Variants in WNT5A observed in about 807,000 individuals in gnomAD.
WNT5A encodes the protein Wnt family member 5A.
In WNT5A, 9 loss-of-function variants were observed where a neutral mutation model predicts 42.1. The ratio of observed to expected loss-of-function variants is 0.21; its 90% CI spans 0.13 to 0.37. The LOEUF is 0.37. Ranked by LOEUF, WNT5A falls within the 10% of genes least tolerant of loss-of-function variation. The pLI is 1.00. For missense variants in WNT5A, 426 were observed against 534.0 expected (o/e 0.80, Z 1.99); for synonymous variants, 210 against 210.0 (o/e 1.00, Z 0.00).
At chr3:55,496,992 C>A in the WNT5A span, among the ~76,000 whole-genome samples, 1 of 152,240 alleles carries the variant, frequency 6.6e-6, no homozygotes, top group Admixed American at 6.5e-5. Context: ...GGGTCACCTA[C>A]TGTGGATCAT....
upstream of WNT5A, chr3:55,490,434 T>C (rs1244874495): frequency 6.6e-6 from 1 of 152,236 alleles, no homozygotes; most frequent in Non-Finnish European, 1.5e-5. Flanking sequence ...TTCCAGTCCC[T>C]GCCCTGCCAC....
intron 3 of WNT5A, 34 bp from the exon 4 acceptor site, chr3:55,474,663 G>A (rs1016488375): frequency 2.3e-6 from 3 of 1,330,842 alleles, no homozygotes; most frequent in Non-Finnish European, 2.9e-6. Flanking sequence ...CTGGCCGCCT[G>A]CCTCACGCGC....
chr3:55,486,086 G>A (rs1338245653), intron 1 of WNT5A, among the ~76,000 whole-genome samples: 1 of 152,240 alleles, frequency 6.6e-6, no homozygotes, highest in Non-Finnish European at 1.5e-5. Context: ...GACCCTCGGA[G>A]TGTGTGATTC....
intron 3 of WNT5A, among the ~76,000 whole-genome samples, chr3:55,478,590 C>T (rs2051398714): frequency 6.6e-6 from 1 of 152,020 alleles, no homozygotes; most frequent in East Asian, 1.9e-4. Context: ...GCCTTTAGCC[C>T]ATTTGAAATG....
chr3:55,499,341 A>AGGACAAGTCCATGAATGCAAAGC, the WNT5A span, among the ~76,000 whole-genome samples: 2 of 152,180 alleles, frequency 1.3e-5, no homozygotes, highest in Non-Finnish European at 2.9e-5. Context: ...GAGTACTCTG[A>AGGACAAGTCCATGAATGCAAAGC]GGACAAGTCC....
the WNT5A span, among the ~76,000 whole-genome samples, chr3:55,502,679 C>T: frequency 6.6e-6 from 1 of 152,120 alleles, no homozygotes. Context: ...AACAGCATGG[C>T]AAAGAATCAT....
upstream of WNT5A, chr3:55,489,777 G>A (rs1559561507): frequency 6.6e-6 from 1 of 152,262 alleles, no homozygotes; most frequent in Non-Finnish European, 1.5e-5. Flanking sequence ...TGTAAACCTT[G>A]ACCACTTCCC....
chr3:55,486,860 C>T, intron 1 of WNT5A, 120 bp downstream of exon 1: 1 of 792,566 alleles, frequency 1.3e-6, no homozygotes, highest in Middle Eastern at 2.3e-4. Context: ...GCTGGAGTTC[C>T]AGCTTCTTCA....
At chr3:55,470,648 G>A in intron 4 of WNT5A, 98 bp from the exon 5 acceptor site, 1 of 1,144,230 alleles carries the variant, frequency 8.7e-7, no homozygotes, top group Non-Finnish European at 1.2e-6. Context: ...ATGGAGCTAT[G>A]TTCCCCAGCT....
In WNT5A at chr3:55,486,931, G is replaced by C. The variant is rs199843039; in HGVS notation, c.6+49C>G. The stretch of plus-strand genomic sequence containing the variant: ...AGGGAACTCAGTTAACTTCCAACAG[G>C]GGGTGGGGGGAAGTAAAGAAAAAAA... On this transcript the variant is annotated intron_variant, in intron 1 of 4. Transcript: ENST00000264634. The C allele has an allele frequency of 2.4e-4, 348 of 1,475,950 alleles. 2 individuals are homozygous for C. In the East Asian group the frequency reaches 7.6e-3, roughly 32 times the overall value. 91.4% of individuals were successfully genotyped at this position (1,475,950 alleles called of 1,614,324 possible).
In WNT5A at chr3:55,468,367, A is replaced by C. The variant is rs1052895035; in HGVS notation, c.*1725T>G. The C allele has an allele frequency of 5.9e-5, 9 of 152,160 alleles. No individual in the cohort carries two copies. The highest frequency in any genetic ancestry group is 1.3e-4 in the Non-Finnish European group (9 of 68,028). 9.4% of individuals were successfully genotyped at this position (152,160 alleles called of 1,614,324 possible). On this transcript the variant is annotated 3_prime_UTR_variant, in exon 5 of 5. Coordinates refer to ENST00000264634, the MANE Select transcript of WNT5A (RefSeq NM_003392.7). ...GTGAACAGAAATGGAGGTTGGAGACAAAGGGGTGAGGCAGAAAAGAAAAAA... is the reference window on the plus strand; with the variant it reads ...GTGAACAGAAATGGAGGTTGGAGACCAAGGGGTGAGGCAGAAAAGAAAAAA...
chr3:55,503,817 T>C, the WNT5A span, among the ~76,000 whole-genome samples: 2 of 152,128 alleles, frequency 1.3e-5, no homozygotes, highest in South Asian at 2.1e-4. Flanking sequence ...GGCATGGTAG[T>C]GCGTACCAAT....
At position 55,487,213 on chromosome 3, in the gene WNT5A, G is replaced by T. The variant is rs898278385; in HGVS notation, c.-228C>A. ...CTGGGATGCGCCCAGGAATGGAGGG[G>T]GCGCGGACGCGCGCGAGCCGGCAGC... On this transcript the variant is annotated 5_prime_UTR_variant, in exon 1 of 5. Transcript: ENST00000264634. 23 of 504,972 alleles carry T rather than the reference G, an allele frequency of 4.6e-5. No homozygotes were observed. Among genetic ancestry groups the T allele is most frequent in the African/African-American group, 4.3e-4 (21 of 48,732 alleles). 31.3% of individuals were successfully genotyped at this position (504,972 alleles called of 1,614,324 possible). A position where few individuals can be genotyped will look rare whatever the true frequency, so the allele number is the denominator to read the frequency against.
chr3:55,491,528 G>C (rs1419826320), upstream of WNT5A, among the ~76,000 whole-genome samples: 1 of 152,226 alleles, frequency 6.6e-6, no homozygotes, highest in Non-Finnish European at 1.5e-5. Flanking sequence ...AAAGCAGAGT[G>C]CAAGATAAGG....
the WNT5A span, among the ~76,000 whole-genome samples, chr3:55,503,808 G>T: frequency 1.3e-5 from 2 of 152,122 alleles, no homozygotes; most frequent in African/African-American, 4.8e-5. Flanking sequence ...AATTAGCTGG[G>T]CATGGTAGTG....
At position 55,470,324 on chromosome 3, in the gene WNT5A, G is replaced by T. The variant is rs757813200; in HGVS notation, c.911C>A (p.Pro304His). 4 of 1,614,082 alleles carry T rather than the reference G, an allele frequency of 2.5e-6. No individual in the cohort carries two copies. The South Asian group carries it at 3.3e-5, about 13-fold the overall frequency. ...ATTGCGCACGCAGTAGTCAGGGCTGGGGTCGATGTAGACCAGGTCTTGTGT... is the reference window on the plus strand; with the variant it reads ...ATTGCGCACGCAGTAGTCAGGGCTGTGGTCGATGTAGACCAGGTCTTGTGT... ...PTTQDLVYIDPSPDYCVRNES... is the reference protein window; with the variant it reads ...PTTQDLVYIDHSPDYCVRNES... The change falls in exon 5 of 5, where the codon CCC (proline) becomes CAC (histidine). Residue 304 changes from proline (P) to histidine (H), a missense_variant. Pro to His is a moderately conservative substitution (Grantham distance 77). Coordinates refer to ENST00000264634, the MANE Select transcript of WNT5A (RefSeq NM_003392.7).
upstream of WNT5A, among the ~76,000 whole-genome samples, chr3:55,495,302 A>G (rs1285574757): frequency 1.3e-5 from 2 of 152,188 alleles, no homozygotes; most frequent in Admixed American, 1.3e-4. Context: ...TCTCCTATCT[A>G]ACTGAAAATT....
At chr3:55,494,298 G>A (rs2051691929), upstream of WNT5A, among the ~76,000 whole-genome samples, 1 of 152,100 alleles carries the variant, frequency 6.6e-6, no homozygotes, top group South Asian at 2.1e-4. Context: ...CTCAAACATG[G>A]CCATACTCCT....
At chr3:55,488,564 C>T (rs960616673), upstream of WNT5A, among the ~76,000 whole-genome samples, 4 of 151,814 alleles carry the variant, frequency 2.6e-5, no homozygotes, top group African/African-American at 9.7e-5. Flanking sequence ...CTATGACAAA[C>T]TCTGCAGGAT....
Sources: gnomAD v4.1 joint callset for allele counts (sites outside exome capture counted in the v4.1 genomes callset) on GRCh38, gnomAD v4.1.1 for gene constraint, MANE v1.5 for transcripts, NCBI Gene and HGNC (gene_info 2026-07-23, HGNC 2026-07-21) for gene names.